PACRG: variants seen among roughly 807,000 people sequenced by gnomAD.
PACRG encodes parkin coregulated.
Under a neutral mutation model 29.7 loss-of-function variants are expected in PACRG, and 29 were observed. The observed-to-expected ratio is 0.98, with a 90% CI of 0.73 to 1.33. The LOEUF is 1.33. Among genes scored for constraint, PACRG ranks in the 40% most tolerant of loss-of-function variants. The pLI, the probability that PACRG is intolerant of heterozygous loss-of-function variation, is 0.00. For missense variants in PACRG, 279 were observed against 316.2 expected (o/e 0.88, Z 0.89); for synonymous variants, 116 against 118.7 (o/e 0.98, Z 0.15).
At chr6:162,926,871 C>A (rs145163652) in intron 2 of PACRG, among the ~76,000 whole-genome samples, 16 of 152,224 alleles carry the variant, frequency 1.1e-4, no homozygotes, top group Non-Finnish European at 2.1e-4. Context: ...AACAGGCAAC[C>A]TGCAGAATGG....
At chr6:163,198,550 AGAACGGGTG>A (rs1780569612) in intron 4 of PACRG, among the ~76,000 whole-genome samples, 1 of 152,182 alleles carries the variant, frequency 6.6e-6, no homozygotes, top group Non-Finnish European at 1.5e-5. Context: ...TCACACAGTG[AGAACGGGTG>A]GATCGGATGG....
intron 4 of PACRG, among the ~76,000 whole-genome samples, chr6:163,259,881 G>T (rs1171144343): frequency 6.6e-6 from 1 of 152,174 alleles, no homozygotes; most frequent in Non-Finnish European, 1.5e-5. Flanking sequence ...GGGATGAGGG[G>T]CGGGCAGTGG....
At chr6:162,928,102 G>T (rs752018489) in intron 2 of PACRG, among the ~76,000 whole-genome samples, 57 of 151,990 alleles carry the variant, frequency 3.8e-4, no homozygotes, top group Non-Finnish European at 6.5e-4. Flanking sequence ...ATCTGTGTTT[G>T]GTCTTTTTTA....
In PACRG at chr6:163,179,397, A is replaced by T. The variant is rs1779542443; in HGVS notation, c.613+89989A>T. On this transcript the variant is annotated intron_variant, in intron 4 of 4. Transcript: ENST00000366888. ...ACTCATTTGGTGTTCTTTAAATTAA[A>T]AAAAAAAAAAAAAAACTTCTGGCAA... 3 of 176,402 alleles carry T rather than the reference A, an allele frequency of 1.7e-5. No homozygotes were observed. In the East Asian group the frequency reaches 4.8e-4, roughly 28 times the overall value. The allele number at this position is 176,402 out of a possible 1,614,324, so 10.9% of individuals were successfully genotyped here.
At chr6:163,161,297 C>T (rs1778546652) in intron 4 of PACRG, among the ~76,000 whole-genome samples, 1 of 151,912 alleles carries the variant, frequency 6.6e-6, no homozygotes, top group Admixed American at 6.6e-5. Flanking sequence ...ATGTGCCTGC[C>T]ATATTTGCAT....
At chr6:162,942,157 G>T (rs1798678353) in intron 2 of PACRG, among the ~76,000 whole-genome samples, 1 of 152,150 alleles carries the variant, frequency 6.6e-6, no homozygotes, top group African/African-American at 2.4e-5. Flanking sequence ...ATGGAATTTT[G>T]AAATCATAGT....
chr6:163,065,195 G>C lies in PACRG; in HGVS notation c.463+2874G>C, dbSNP rs75611539. On this transcript the variant is annotated intron_variant, in intron 3 of 4. Coordinates refer to ENST00000366888, the MANE Select transcript of PACRG (RefSeq NM_001080379.2). ...CTCCCACCTTTCTGATTTCCATCTT[G>C]AGTTATTTTGGGTCAGAAACTCCAA... 5.7e-4 allele frequency among the ~76,000 whole-genome samples: 87 copies of C among 152,160 alleles called. 3 individuals are homozygous for C. The East Asian group carries it at 0.016, about 29-fold the overall frequency.
chr6:163,164,455 C>A (rs1012163445), intron 4 of PACRG, among the ~76,000 whole-genome samples: 2 of 152,178 alleles, frequency 1.3e-5, no homozygotes, highest in African/African-American at 4.8e-5. Context: ...CCTCAATTCC[C>A]ATCCAGCCTC....
intron 2 of PACRG, among the ~76,000 whole-genome samples, chr6:163,033,318 C>T (rs891567329): frequency 6.6e-6 from 1 of 152,146 alleles, no homozygotes; most frequent in Non-Finnish European, 1.5e-5. Context: ...CTCTCTCCAG[C>T]GTTTAACTTC....
intron 2 of PACRG, among the ~76,000 whole-genome samples, chr6:163,002,082 G>A (rs898337724): frequency 1.3e-5 from 2 of 152,174 alleles, no homozygotes; most frequent in African/African-American, 4.8e-5. Flanking sequence ...CTCTAACTGA[G>A]TGAAGGCAAA....
chr6:163,161,575 A>C (rs1447267622), intron 4 of PACRG, among the ~76,000 whole-genome samples: 1 of 152,220 alleles, frequency 6.6e-6, no homozygotes, highest in African/African-American at 2.4e-5. Flanking sequence ...TATTTTGTAC[A>C]CGTGCGTATA....
intron 4 of PACRG, among the ~76,000 whole-genome samples, chr6:163,221,249 C>T (rs1021534072): frequency 6.6e-6 from 1 of 152,118 alleles, no homozygotes; most frequent in Admixed American, 6.6e-5. Flanking sequence ...TTCCTGTATT[C>T]CCAAATAAAA....
rs143480282 is a variant in PACRG at position 162,955,276 on chromosome 6, T to TTTGTTG, written c.292-106859_292-106854dup. ...TCCCCTAATGGTTTTGAAATCTATT[T>TTTGTTG]TTGTTGTTGTTGTTGTTGTTTGTTT... On this transcript the variant is annotated intron_variant, in intron 2 of 4. Coordinates refer to ENST00000366888, the MANE Select transcript of PACRG (RefSeq NM_001080379.2). Among the ~76,000 whole-genome samples, 26 of 151,930 alleles carry TTTGTTG rather than the reference T, an allele frequency of 1.7e-4. No individual in the cohort carries two copies. In the South Asian group the frequency reaches 5.4e-3, roughly 32 times the overall value.
At chr6:163,033,719 A>G (rs79161693) in intron 2 of PACRG, among the ~76,000 whole-genome samples, 9,585 of 152,332 alleles carry the variant, frequency 0.063, 404 homozygotes, top group Non-Finnish European at 0.092. Context: ...TGAATCCTGA[A>G]CCCAGGCCAC....
intron 1 of PACRG, among the ~76,000 whole-genome samples, chr6:162,761,050 CCTT>C (rs1782318438): frequency 6.6e-6 from 1 of 152,112 alleles, no homozygotes; most frequent in African/African-American, 2.4e-5. Context: ...AATCTTCTGG[CCTT>C]CTTTCTGGCC....
intron 4 of PACRG, among the ~76,000 whole-genome samples, chr6:163,091,776 C>T (rs938873825): frequency 4.6e-4 from 70 of 152,156 alleles, no homozygotes; most frequent in African/African-American, 1.7e-3. Flanking sequence ...TTAGAATTTT[C>T]ACTAGGAAAA....
At chr6:163,232,880 C>G (rs1159356648) in intron 4 of PACRG, among the ~76,000 whole-genome samples, 1 of 152,162 alleles carries the variant, frequency 6.6e-6, no homozygotes, top group East Asian at 1.9e-4. Context: ...TCCACCCCTC[C>G]TCCAGGAGCC....
chr6:163,062,938 C>T (rs1431030811), intron 3 of PACRG, among the ~76,000 whole-genome samples: 3 of 152,136 alleles, frequency 2.0e-5, no homozygotes, highest in South Asian at 2.1e-4. Context: ...GGTTGTCCCA[C>T]GTGACAGCCT....
intron 4 of PACRG, among the ~76,000 whole-genome samples, chr6:163,137,927 G>A (rs1817001970): frequency 6.6e-6 from 1 of 152,196 alleles, no homozygotes; most frequent in Admixed American, 6.5e-5. Context: ...GCCCTGCAAG[G>A]GGCATGGTAC....
Sources: allele counts gnomAD v4.1 joint callset (sites outside exome capture counted in the v4.1 genomes callset), GRCh38; gene constraint gnomAD v4.1.1; transcripts MANE v1.5; gene names NCBI Gene and HGNC (gene_info 2026-07-23, HGNC 2026-07-21).